PCNT: variants seen among roughly 807,000 people sequenced by gnomAD.
PCNT encodes pericentrin.
Under a neutral mutation model 380.4 loss-of-function variants are expected in PCNT, and 319 were observed. That is an observed-to-expected ratio of 0.84 (90% CI 0.77 to 0.92). The LOEUF is 0.92. PCNT is among the 40% of genes least tolerant of loss of function. PCNT has a pLI of 0.00. For missense variants in PCNT, 4,400 were observed against 4,255.3 expected (o/e 1.03, Z -0.95); for synonymous variants, 1,845 against 1,735.2 (o/e 1.06, Z -1.57).
intron 13 of PCNT, among the ~76,000 whole-genome samples, chr21:46,359,574 C>G (rs1296024006): frequency 7.6e-6 from 1 of 132,342 alleles, no homozygotes; most frequent in African/African-American, 2.8e-5. Flanking sequence ...CTGTACCCTC[C>G]GCCTCCTGGT....
At chr21:46,373,469 G>A (rs1231198934) in intron 15 of PCNT, among the ~76,000 whole-genome samples, 1 of 127,232 alleles carries the variant, frequency 7.9e-6, no homozygotes, top group East Asian at 2.2e-4. Flanking sequence ...GTCTCGCTCT[G>A]TCTCCAGGCT....
intron 6 of PCNT, 120 bp from the exon 7 acceptor site, chr21:46,348,892 C>A: frequency 1.4e-6 from 1 of 703,156 alleles, no homozygotes; most frequent in Non-Finnish European, 2.5e-6. Context: ...TCTCAAAGTG[C>A]TGGGATTAGA....
At chr21:46,405,530 T>C (rs1301466744) in intron 27 of PCNT, among the ~76,000 whole-genome samples, 1 of 152,192 alleles carries the variant, frequency 6.6e-6, no homozygotes, top group Non-Finnish European at 1.5e-5. Context: ...AAACCCCGTC[T>C]CTACTAAAAA....
intron 2 of PCNT, among the ~76,000 whole-genome samples, chr21:46,327,386 T>G (rs992370960): frequency 3.8e-5 from 5 of 131,488 alleles, no homozygotes; most frequent in Admixed American, 1.7e-4. Context: ...TAAATTTGGG[T>G]TTTCTTTTTC....
At chr21:46,433,752 G>A (rs765124186) in intron 38 of PCNT, among the ~76,000 whole-genome samples, 1 of 152,046 alleles carries the variant, frequency 6.6e-6, no homozygotes, top group Non-Finnish European at 1.5e-5. Flanking sequence ...TGAGTGAGGT[G>A]GCCCTTCCAG....
chr21:46,389,262 A>C lies in PCNT; in HGVS notation c.3671A>C (p.Glu1224Ala). 6.2e-7 allele frequency: 1 copy of C among 1,614,218 alleles called. No individual in the cohort carries two copies. The highest frequency in any genetic ancestry group is 2.2e-5 in the East Asian group (1 of 44,878). Reference protein sequence around the residue: ...ALPELDRTLSECAEMSSVAEI... With the variant: ...ALPELDRTLSACAEMSSVAEI... ...CCGGAGTTGGACAGAACTTTGTCTG[A>C]ATGTGCAGAGATGTCTTCCGTGGCT... The change falls in exon 19 of 47, where the codon GAA (glutamate) becomes GCA (alanine). Residue 1224 changes from glutamate to alanine, a missense_variant. By Grantham distance (107) the Glu-to-Ala change is moderately radical (BLOSUM62 -1). Coordinates refer to ENST00000359568, the MANE Select transcript of PCNT (RefSeq NM_006031.6).
At chr21:46,436,819 C>T (rs1270329575) in intron 39 of PCNT, among the ~76,000 whole-genome samples, 160 bp from the exon 40 acceptor site, 3 of 152,180 alleles carry the variant, frequency 2.0e-5, no homozygotes, top group East Asian at 1.9e-4. Flanking sequence ...CTGTTGCCCC[C>T]GTGGGCCCCT....
intron 44 of PCNT, among the ~76,000 whole-genome samples, chr21:46,443,374 G>A (rs1218442420): frequency 2.0e-5 from 3 of 152,212 alleles, no homozygotes; most frequent in Non-Finnish European, 4.4e-5. Context: ...TGAGCACTGC[G>A]CCTGGCAGCT....
In PCNT at chr21:46,432,126, C is replaced by T. The variant is rs775313684; in HGVS notation, c.8662C>T (p.Arg2888Cys). The T allele has an allele frequency of 1.2e-6, 2 of 1,614,044 alleles. No individual in the cohort carries two copies. Among genetic ancestry groups the T allele is most frequent in the African/African-American group, 1.3e-5 (1 of 75,050 alleles). Residue 2888 changes from arginine (R) to cysteine (C), a missense_variant, in exon 38 of 47, where the codon CGC becomes TGC. Transcript: ENST00000359568. ...SHPRLKEQEG[R>C]KAARRSAEAR... The stretch of plus-strand genomic sequence containing the variant: ...CCCACGGTTGAAAGAGCAAGAAGGA[C>T]GCAAGGCTGCGAGGAGGAGCGCGGA...
At chr21:46,415,293 C>A (rs1205549779) in intron 29 of PCNT, among the ~76,000 whole-genome samples, 1 of 151,860 alleles carries the variant, frequency 6.6e-6, no homozygotes, top group Non-Finnish European at 1.5e-5. Flanking sequence ...GAAATACATC[C>A]TGTGTGGAGA....
At chr21:46,375,665 A>G (rs1336780619) in intron 15 of PCNT, among the ~76,000 whole-genome samples, 2 of 152,142 alleles carry the variant, frequency 1.3e-5, no homozygotes, top group Non-Finnish European at 2.9e-5. Context: ...ATTGTGGCCG[A>G]GCCGAGGCCC....
At chr21:46,431,330 G>C in intron 37 of PCNT, 199 bp from the exon 38 acceptor site, 2 of 1,436,754 alleles carry the variant, frequency 1.4e-6, no homozygotes, top group Non-Finnish European at 9.1e-7. Context: ...TCCGAAAAAA[G>C]TATGTCATCT....
chr21:46,444,688 T>C lies in PCNT; in HGVS notation c.9840-6T>C, dbSNP rs1349713916. 2 of 1,611,262 alleles carry C rather than the reference T, an allele frequency of 1.2e-6. No individual in the cohort carries two copies. Among genetic ancestry groups the C allele is most frequent in the South Asian group, 2.2e-5 (2 of 91,010 alleles). On this transcript the variant is annotated splice_polypyrimidine_tract_variant and splice_region_variant and intron_variant, in intron 45 of 46. Coordinates refer to ENST00000359568, the MANE Select transcript of PCNT (RefSeq NM_006031.6). The stretch of plus-strand genomic sequence containing the variant: ...TTCTTCTCTTGGTGTGGTAATTTGT[T>C]TGAAGAGCCACTCCATCCCCAAATT...
rs138254119 is a variant in PCNT at position 46,388,858 on chromosome 21, C to T, written c.3581C>T (p.Ala1194Val). The part of the protein sequence containing the change: ...GERVGLCLDD[A>V]GAGLALSTAP... ...CGCGTGGGGCTCTGCCTGGATGACGCGGGCGCAGGCCTGGCCCTGTCGACA... is the reference window on the plus strand; with the variant it reads ...CGCGTGGGGCTCTGCCTGGATGACGTGGGCGCAGGCCTGGCCCTGTCGACA... The change falls in exon 18 of 47, where the codon GCG becomes GTG. Residue 1194 changes from alanine (A) to valine (V), a missense_variant. Physicochemically the swap from Ala to Val is moderately conservative, Grantham distance 64 (BLOSUM62 0). Coordinates refer to ENST00000359568, the MANE Select transcript of PCNT (RefSeq NM_006031.6). This position sits in a 1 kb window ranked among gnomAD's most constrained non-coding sequence, Gnocchi z 4.2. The T allele has an allele frequency of 4.5e-4, 722 of 1,608,392 alleles. No individual in the cohort carries two copies. Among genetic ancestry groups the T allele is most frequent in the Admixed American group, 6.0e-4 (36 of 59,902 alleles).
At chr21:46,406,762 C>T (rs1184399677) in intron 27 of PCNT, among the ~76,000 whole-genome samples, 2 of 152,096 alleles carry the variant, frequency 1.3e-5, no homozygotes, top group Non-Finnish European at 2.9e-5. Flanking sequence ...CAAGGAAGTT[C>T]TGTTATATTT....
chr21:46,328,516 A>G (rs2146272973), intron 2 of PCNT, among the ~76,000 whole-genome samples: 1 of 152,322 alleles, frequency 6.6e-6, no homozygotes, highest in South Asian at 2.1e-4. Context: ...GCTGGAGTGC[A>G]GTGGTGCAGT....
chr21:46,429,457 C>T (rs1223494667), intron 35 of PCNT, among the ~76,000 whole-genome samples: 6 of 131,778 alleles, frequency 4.6e-5, no homozygotes, highest in East Asian at 2.2e-4. Flanking sequence ...ACAGGGGGGC[C>T]GGCACTGTGC....
rs1339551489 is a variant in PCNT at position 46,416,621 on chromosome 21, A to C, written c.6703A>C (p.Thr2235Pro). 6.3e-7 allele frequency: 1 copy of C among 1,582,940 alleles called. No homozygotes were observed. Among genetic ancestry groups the C allele is most frequent in the South Asian group, 1.2e-5 (1 of 85,406 alleles). ...CCCTGAGGTCCTCAGGAAGGACTGG[A>C]CCCTGGAGCCCTGGCCCAGCCTCCC... The part of the protein sequence containing the change: ...SSPEVLRKDW[T>P]LEPWPSLPVT... The change falls in exon 30 of 47, where the codon ACC becomes CCC. Residue 2235 changes from threonine to proline, a missense_variant. By Grantham distance (38) the Thr-to-Pro change is conservative. Coordinates refer to ENST00000359568, the MANE Select transcript of PCNT (RefSeq NM_006031.6).
In PCNT at chr21:46,425,906, G is replaced by A. The variant is rs750214590; in HGVS notation, c.7255G>A (p.Glu2419Lys). ...LSEGLAPPSG[E>K]PHPPRKEDEI... ...AGAAGGCCTTGCACCCCCAAGCGGCGAGCCACACCCACCCCGGAAGGAAGA... is the reference window on the plus strand; with the variant it reads ...AGAAGGCCTTGCACCCCCAAGCGGCAAGCCACACCCACCCCGGAAGGAAGA... Residue 2419 changes from glutamate (E) to lysine (K), a missense_variant, in exon 33 of 47, where the codon GAG becomes AAG. Transcript: ENST00000359568. This position sits in a 1 kb window ranked among gnomAD's most constrained non-coding sequence, Gnocchi z 4.2. 64 of 1,613,836 alleles carry A rather than the reference G, an allele frequency of 4.0e-5. No individual in the cohort carries two copies. The East Asian group carries it at 1.2e-3, about 31-fold the overall frequency.
Sources: gnomAD v4.1 joint callset for allele counts (sites outside exome capture counted in the v4.1 genomes callset) on GRCh38, gnomAD v4.1.1 for gene constraint, Gnocchi (gnomAD v3.1) non-coding constraint, MANE v1.5 for transcripts, NCBI Gene and HGNC (gene_info 2026-07-23, HGNC 2026-07-21) for gene names.